Variants in DNAJC9 observed in about 807,000 individuals in gnomAD.
DNAJC9 encodes DnaJ heat shock protein family (Hsp40) member C9.
Under a neutral mutation model 32.4 loss-of-function variants are expected in DNAJC9, and 18 were observed. The observed-to-expected ratio is 0.56, with a 90% CI of 0.38 to 0.82. DNAJC9 has a LOEUF of 0.82. Among genes scored for constraint, DNAJC9 ranks in the 40% least tolerant of loss-of-function variants. DNAJC9 has a pLI of 0.00. For missense variants in DNAJC9, 310 were observed against 321.8 expected (o/e 0.96, Z 0.28); for synonymous variants, 113 against 122.1 (o/e 0.93, Z 0.49).
Position 73,247,173 on chromosome 10 carries a change from A to T in DNAJC9, c.17T>A (p.Leu6His). 1 of 1,595,330 alleles carries T rather than the reference A, an allele frequency of 6.3e-7. No individual in the cohort carries two copies. Among genetic ancestry groups the T allele is most frequent in the Non-Finnish European group, 8.5e-7 (1 of 1,172,014 alleles). Residue 6 changes from leucine (L) to histidine (H), a missense_variant, in exon 1 of 5, where the codon CTT (leucine) becomes CAT (histidine). Leu to His is a moderately conservative substitution (Grantham distance 99, BLOSUM62 -3). Coordinates refer to ENST00000372950, the MANE Select transcript of DNAJC9 (RefSeq NM_015190.5). MGLLD[L>H]CEEVFGTADL... Reference sequence around the variant, plus strand: ...GGCGGTGCCGAACACTTCCTCGCAAAGGTCCAGCAGCCCCATGCCGGGCGG... The same window carrying T: ...GGCGGTGCCGAACACTTCCTCGCAATGGTCCAGCAGCCCCATGCCGGGCGG...
chr10:73,233,197 G>A (rs2043751113), intron 2 of DNAJC9: 5 of 1,400,202 alleles, frequency 3.6e-6, no homozygotes, highest in East Asian at 2.5e-5. Context: ...TGGAAACCGT[G>A]GTAAAACTAA....
At chr10:73,236,531 A>G (rs2043826498), downstream of DNAJC9, among the ~76,000 whole-genome samples, 1 of 150,024 alleles carries the variant, frequency 6.7e-6, no homozygotes, top group East Asian at 2.0e-4. Flanking sequence ...CTCCTGCCTC[A>G]GCCTCCCGAA....
At chr10:73,245,360 T>G (rs1589205523) in intron 3 of DNAJC9, among the ~76,000 whole-genome samples, 1 of 106,320 alleles carries the variant, frequency 9.4e-6, no homozygotes, top group Non-Finnish European at 1.8e-5. Flanking sequence ...CCAACTCTCC[T>G]CACCCCCACT....
At chr10:73,238,169 A>C (rs2043864776), downstream of DNAJC9, among the ~76,000 whole-genome samples, 2 of 152,048 alleles carry the variant, frequency 1.3e-5, no homozygotes, top group African/African-American at 2.4e-5. Flanking sequence ...AACATGGTGA[A>C]ACCCGTTTCT....
intron 2 of DNAJC9, chr10:73,233,039 T>G: frequency 6.4e-7 from 1 of 1,551,686 alleles, no homozygotes; most frequent in Non-Finnish European, 8.7e-7. Flanking sequence ...ATCATCTCTG[T>G]CATACACAGT....
downstream of DNAJC9, among the ~76,000 whole-genome samples, chr10:73,238,340 ACT>A (rs1377475457): frequency 1.3e-5 from 2 of 151,724 alleles, no homozygotes; most frequent in Non-Finnish European, 2.9e-5. Context: ...GAGCGAGAAG[ACT>A]CTGTCCCCCC....
intron 2 of DNAJC9, 96 bp downstream of exon 2, chr10:73,246,590 CAA>C: frequency 7.0e-7 from 1 of 1,426,118 alleles, no homozygotes; most frequent in Non-Finnish European, 9.6e-7. Context: ...CTAATTCCTA[CAA>C]AATTAACACA....
downstream of DNAJC9, chr10:73,235,006 G>C: frequency 6.6e-7 from 1 of 1,526,538 alleles, no homozygotes; most frequent in East Asian, 2.5e-5. Flanking sequence ...TAATTCTGCA[G>C]GATCTGTGCC....
chr10:73,234,597 G>A (rs1195799522), downstream of DNAJC9: 3 of 520,982 alleles, frequency 5.8e-6, no homozygotes, highest in Non-Finnish European at 1.0e-5. Context: ...AGCTTCTGTT[G>A]TGTACCCAGA....
downstream of DNAJC9, among the ~76,000 whole-genome samples, chr10:73,238,407 C>T (rs2043870793): frequency 6.6e-6 from 1 of 152,224 alleles, no homozygotes; most frequent in Non-Finnish European, 1.5e-5. Flanking sequence ...TAGCACTTTG[C>T]TCCTTGCTGT....
In DNAJC9 at chr10:73,247,205, G is replaced by C; in HGVS notation, c.-16C>G. 6.3e-7 allele frequency: 1 copy of C among 1,581,182 alleles called. No individual in the cohort carries two copies. Among genetic ancestry groups the C allele is most frequent in the Non-Finnish European group, 8.6e-7 (1 of 1,164,876 alleles). The stretch of plus-strand genomic sequence containing the variant: ...GCAGCCCCATGCCGGGCGGAGATAC[G>C]ACCCCGGAGGAAGCAGCCGCTCCCA... On this transcript the variant is annotated 5_prime_UTR_variant, in exon 1 of 5. Transcript: ENST00000372950.
intron 2 of DNAJC9, among the ~76,000 whole-genome samples, chr10:73,246,380 G>C (rs923308584): frequency 7.9e-5 from 12 of 152,094 alleles, no homozygotes; most frequent in Non-Finnish European, 1.2e-4. Context: ...TAGGGACCAG[G>C]GAAGGGAAAT....
At chr10:73,238,562 C>T (rs752709560), downstream of DNAJC9, among the ~76,000 whole-genome samples, 2 of 152,200 alleles carry the variant, frequency 1.3e-5, no homozygotes, top group Admixed American at 1.3e-4. Flanking sequence ...ACCATAACAG[C>T]GAAGCTGAGT....
chr10:73,241,217 A>G, downstream of DNAJC9: 1 of 545,300 alleles, frequency 1.8e-6, no homozygotes, highest in South Asian at 2.0e-5. Flanking sequence ...ATCTCCAGTT[A>G]CTGTCTCTTT....
chr10:73,246,755 T>C lies in DNAJC9; in HGVS notation c.254A>G (p.Asp85Gly). The change falls in exon 2 of 5, where the codon GAC becomes GGC. Residue 85 changes from aspartate (D) to glycine (G), a missense_variant. Transcript: ENST00000372950. ...TTGGGTGAGCACAGGAGAGTCCTCG[T>C]CCACTGTTCCCTGCTCATCGTACAC... Reference protein sequence around the residue: ...RAVYDEQGTVDEDSPVLTQDR... With the variant: ...RAVYDEQGTVGEDSPVLTQDR... 1 of 1,614,094 alleles carries C rather than the reference T, an allele frequency of 6.2e-7. No homozygotes were observed. The highest frequency in any genetic ancestry group is 1.3e-5 in the African/African-American group (1 of 75,016).
At chr10:73,245,352 A>G (rs1338873579) in intron 3 of DNAJC9, among the ~76,000 whole-genome samples, 1 of 123,238 alleles carries the variant, frequency 8.1e-6, no homozygotes, top group Non-Finnish European at 1.7e-5. Flanking sequence ...CCACCCCCCC[A>G]ACTCTCCTCA....
rs1195347775 is a variant in DNAJC9, at chr10:73,242,577, C to A, written c.*823G>T. 1.3e-5 allele frequency: 2 copies of A among 152,156 alleles called. No homozygotes were observed. The highest frequency in any genetic ancestry group is 3.8e-4 in the East Asian group (2 of 5,200). 9.4% of individuals were successfully genotyped at this position (152,156 alleles called of 1,614,324 possible). ...TTCACTCTTTGTTTTGATGTAGTAA[C>A]TCTTTTATAAAAGGGAACAGATTCA... On this transcript the variant is annotated 3_prime_UTR_variant, in exon 5 of 5. Coordinates refer to ENST00000372950, the MANE Select transcript of DNAJC9 (RefSeq NM_015190.5).
rs200981888 is a variant in DNAJC9, at chr10:73,246,834, G to C, written c.181-6C>G. The C allele has an allele frequency of 6.2e-7, 1 of 1,613,878 alleles. No homozygotes were observed. Among genetic ancestry groups the C allele is most frequent in the Admixed American group, 1.7e-5 (1 of 60,022 alleles). On this transcript the variant is annotated splice_polypyrimidine_tract_variant and splice_region_variant and intron_variant, in intron 1 of 4. Transcript: ENST00000372950. The stretch of plus-strand genomic sequence containing the variant: ...GAATAGACTTTTCCCAGGATCTGAG[G>C]GCAAAGAGTATCCGTAAATCACCCC...
chr10:73,247,180 G>T lies in DNAJC9; in HGVS notation c.10C>A (p.Leu4Met). The change falls in exon 1 of 5, where the codon CTG (leucine) becomes ATG (methionine). Residue 4 changes from leucine to methionine, a missense_variant. Coordinates refer to ENST00000372950, the MANE Select transcript of DNAJC9 (RefSeq NM_015190.5). ...CCGAACACTTCCTCGCAAAGGTCCA[G>T]CAGCCCCATGCCGGGCGGAGATACG... MGL[L>M]DLCEEVFGTA... 6.3e-7 allele frequency: 1 copy of T among 1,592,882 alleles called. No individual in the cohort carries two copies. Among genetic ancestry groups the T allele is most frequent in the East Asian group, 2.3e-5 (1 of 43,288 alleles).
Sources: gnomAD v4.1 joint callset for allele counts (sites outside exome capture counted in the v4.1 genomes callset) on GRCh38, gnomAD v4.1.1 for gene constraint, MANE v1.5 for transcripts, NCBI Gene and HGNC (gene_info 2026-07-23, HGNC 2026-07-21) for gene names.